Variants in PPP4R3B observed in about 807,000 individuals in gnomAD.
The protein encoded by PPP4R3B is serine/threonine-protein phosphatase 4 regulatory subunit 3B.
A neutral mutation model predicts 95.4 loss-of-function variants in PPP4R3B; 52 were observed. That is an observed-to-expected ratio of 0.54 (90% CI 0.44 to 0.69). PPP4R3B has a LOEUF of 0.69. PPP4R3B is among the 30% of genes least tolerant of loss of function. The probability of loss-of-function intolerance (pLI) is 0.00; values close to 1 mark genes in which losing one functional copy is unlikely to be tolerated. For synonymous variants in PPP4R3B, 407 were observed against 343.9 expected, an observed-to-expected ratio of 1.18 and a Z score of -2.03; for missense variants, 1,003 against 1,005.9, an observed-to-expected ratio of 1.00 and a Z score of 0.04.
At chr2:55,581,744 G>A in intron 7 of PPP4R3B, 46 bp from the exon 8 acceptor site, 1 of 1,575,522 alleles carries the variant, frequency 6.3e-7, no homozygotes, top group Non-Finnish European at 8.6e-7. Context: ...CATTAGACCT[G>A]GTTTAGATCT....
intron 2 of PPP4R3B, among the ~76,000 whole-genome samples, chr2:55,605,562 T>C (rs1693258315): frequency 6.6e-6 from 1 of 152,120 alleles, no homozygotes; most frequent in Non-Finnish European, 1.5e-5. Context: ...TTGGGAGAAA[T>C]TTGCTACCAG....
At chr2:55,587,188 A>G (rs1690260134) in intron 5 of PPP4R3B, among the ~76,000 whole-genome samples, 1 of 152,244 alleles carries the variant, frequency 6.6e-6, no homozygotes, top group Admixed American at 6.5e-5. Flanking sequence ...GGATTTGCCT[A>G]TTGGTCTATT....
At chr2:55,567,984 C>A (rs940591525) in intron 13 of PPP4R3B, 2 of 283,338 alleles carry the variant, frequency 7.1e-6, no homozygotes, top group Non-Finnish European at 1.3e-5. Context: ...AAAGTAAAAA[C>A]CACTAAACTA....
At chr2:55,573,564 A>C in intron 12 of PPP4R3B, 55 bp downstream of exon 12, 6 of 1,418,512 alleles carry the variant, frequency 4.2e-6, no homozygotes, top group South Asian at 1.4e-5. Context: ...TCAAATGGGT[A>C]ACTTCAGTTT....
rs747988258 is a variant in PPP4R3B, at chr2:55,585,087, T to C, written c.1197A>G (p.Arg399=). 24 of 1,611,966 alleles carry C rather than the reference T, an allele frequency of 1.5e-5. No homozygotes were observed. The highest frequency in any genetic ancestry group is 2.0e-5 in the Non-Finnish European group (24 of 1,179,142). ...GCTGAGCTTCTTGCATTACAAACTCTCGGACCATAGATGGACTAAATTCTA... is the reference window on the plus strand; with the variant it reads ...GCTGAGCTTCTTGCATTACAAACTCCCGGACCATAGATGGACTAAATTCTA... ...YLVEFSPSMV[R]EFVMQEAQQS... is the part of the protein sequence containing the mutation. The change falls in exon 7 of 17, where the codon CGA becomes CGG. Residue 399 remains arginine (R), a synonymous_variant. Coordinates refer to ENST00000616407, the MANE Select transcript of PPP4R3B (RefSeq NM_001122964.3).
chr2:55,600,850 A>C (rs537620187), intron 3 of PPP4R3B, among the ~76,000 whole-genome samples: 1 of 152,148 alleles, frequency 6.6e-6, no homozygotes, highest in Non-Finnish European at 1.5e-5. Context: ...TGTAACAAGG[A>C]AAATTCAGTA....
Position 55,574,180 on chromosome 2 carries a change from C to T in PPP4R3B, c.1607-403G>A, listed in dbSNP as rs558572284. 1.7e-3 allele frequency among the ~76,000 whole-genome samples: 256 copies of T among 151,328 alleles called. 1 individual carries two copies. Among genetic ancestry groups the T allele is most frequent in the African/African-American group, 5.6e-3 (232 of 41,244 alleles). On this transcript the variant is annotated intron_variant, in intron 11 of 16. Transcript: ENST00000616407. The stretch of plus-strand genomic sequence containing the variant: ...AGTGCTGGGATTACAAGTGTAAGCC[C>T]CTGCACCTGGCCTATTTCCTCCATT...
chr2:55,578,036 A>C (rs17798852), intron 10 of PPP4R3B, among the ~76,000 whole-genome samples: 67,175 of 151,904 alleles, frequency 0.44, 15,787 homozygotes, highest in Non-Finnish European at 0.52. Flanking sequence ...AAAATAAATA[A>C]GAACTCTATT....
intron 13 of PPP4R3B, 100 bp downstream of exon 13, chr2:55,568,094 G>A (rs1265074730): frequency 1.3e-6 from 1 of 776,612 alleles, no homozygotes; most frequent in Non-Finnish European, 1.8e-6. Context: ...TTTCAGGGGT[G>A]AAAAGGGAAT....
At chr2:55,611,632 G>C (rs1487863025) in intron 2 of PPP4R3B, among the ~76,000 whole-genome samples, 1 of 152,138 alleles carries the variant, frequency 6.6e-6, no homozygotes, top group Non-Finnish European at 1.5e-5. Flanking sequence ...CTTCATTTAT[G>C]AAAGAAAAGA....
At chr2:55,591,765 T>A in intron 4 of PPP4R3B, 1 of 618,350 alleles carries the variant, frequency 1.6e-6, no homozygotes, top group African/African-American at 2.0e-5. Context: ...GTATTCCTAG[T>A]ATTTTTTCCC....
chr2:55,602,152 T>C (rs1692708005), intron 3 of PPP4R3B, among the ~76,000 whole-genome samples: 1 of 152,202 alleles, frequency 6.6e-6, no homozygotes, highest in South Asian at 2.1e-4. Flanking sequence ...ACAAAAGGTA[T>C]GACATGGTTT....
At chr2:55,577,255 C>G in intron 11 of PPP4R3B, 60 bp downstream of exon 11, 5 of 1,503,638 alleles carry the variant, frequency 3.3e-6, no homozygotes, top group Admixed American at 2.6e-5. Flanking sequence ...GTGCATTACA[C>G]TTAGAGTAGA....
At chr2:55,609,024 G>A (rs1433758716) in intron 2 of PPP4R3B, among the ~76,000 whole-genome samples, 1 of 152,130 alleles carries the variant, frequency 6.6e-6, no homozygotes, top group African/African-American at 2.4e-5. Context: ...ATAGTGACCA[G>A]CCAGAAGCAG....
At chr2:55,593,704 C>T (rs999699218) in intron 4 of PPP4R3B, among the ~76,000 whole-genome samples, 10 of 152,048 alleles carry the variant, frequency 6.6e-5, no homozygotes, top group African/African-American at 2.2e-4. Flanking sequence ...CAGGTAAGAA[C>T]AGTTTAGGCA....
At chr2:55,610,860 A>G (rs1048985458) in intron 2 of PPP4R3B, among the ~76,000 whole-genome samples, 2 of 135,580 alleles carry the variant, frequency 1.5e-5, no homozygotes, top group Non-Finnish European at 3.1e-5. Flanking sequence ...ACACATTCTT[A>G]TGACTCTGGT....
At chr2:55,561,611 T>C (rs1293011279) in intron 15 of PPP4R3B, among the ~76,000 whole-genome samples, 1 of 152,256 alleles carries the variant, frequency 6.6e-6, no homozygotes, top group South Asian at 2.1e-4. Flanking sequence ...AGCCTACCTG[T>C]TGTATCAGCA....
At chr2:55,597,800 T>G (rs1041275903) in intron 4 of PPP4R3B, among the ~76,000 whole-genome samples, 1 of 152,062 alleles carries the variant, frequency 6.6e-6, no homozygotes, top group Non-Finnish European at 1.5e-5. Context: ...AAACTCCATC[T>G]CAAAAAATAA....
intron 11 of PPP4R3B, among the ~76,000 whole-genome samples, chr2:55,576,989 A>G (rs1688769500): frequency 6.6e-6 from 1 of 152,176 alleles, no homozygotes; most frequent in South Asian, 2.1e-4. Context: ...CAATAACCAT[A>G]AAGTGGTCAT....
Sources: gnomAD v4.1 joint callset for allele counts (sites outside exome capture counted in the v4.1 genomes callset) on GRCh38, gnomAD v4.1.1 for gene constraint, MANE v1.5 for transcripts, NCBI Gene and HGNC (gene_info 2026-07-23, HGNC 2026-07-21) for gene names.